The following DNAH1 variants were observed in gnomAD, a reference collection of about 807,000 sequenced individuals.
DNAH1 encodes the protein axonemal beta dynein heavy chain 1.
Under a neutral mutation model 484.3 loss-of-function variants are expected in DNAH1, and 327 were observed. The ratio of observed to expected loss-of-function variants is 0.68; its 90% confidence interval spans 0.62 to 0.74. The LOEUF (loss-of-function observed/expected upper bound fraction) is 0.74. DNAH1 is among the 30% of genes least tolerant of loss of function. DNAH1 has a pLI of 0.00. For synonymous variants in DNAH1, 2,192 were observed against 2,191.9 expected (o/e 1.00, Z 0.00); for missense variants, 5,052 against 5,546.8 (o/e 0.91, Z 2.83).
In DNAH1 at chr3:52,355,194, G is replaced by T; in HGVS notation, c.3693+139G>T. On this transcript the variant is annotated intron_variant, in intron 21 of 77. Coordinates refer to ENST00000420323, the MANE Select transcript of DNAH1 (RefSeq NM_015512.5). The surrounding 1 kb of genome is among the most constrained non-coding windows in gnomAD (Gnocchi z 4.5). Reference sequence around the variant, plus strand: ...CATTCACACAGCCCCTGGCTCTCTGGCAGGCCCCGCCCTACTGCATTCAGA... The same window carrying T: ...CATTCACACAGCCCCTGGCTCTCTGTCAGGCCCCGCCCTACTGCATTCAGA... 1.2e-6 allele frequency: 1 copy of T among 832,692 alleles called. No homozygotes were observed. The highest frequency in any genetic ancestry group is 1.6e-5 in the South Asian group (1 of 61,636). The allele number at this position is 832,692 out of a possible 1,614,324, so 51.6% of individuals were successfully genotyped here.
rs1702490243 is a variant in DNAH1 at position 52,353,631 on chromosome 3, C to G, written c.3478C>G (p.Gln1160Glu). The change falls in exon 20 of 78, where the codon CAG becomes GAG. Residue 1160 changes from glutamine (Q) to glutamate (E), a missense_variant and splice_region_variant. Coordinates refer to ENST00000420323, the MANE Select transcript of DNAH1 (RefSeq NM_015512.5). The surrounding 1 kb of genome is among the most constrained non-coding windows in gnomAD (Gnocchi z 5.0). ...GGCTGGCAAGGAGTACGCCATCGAG[C>G]AGGTGGGTAGCCACCAGCGGGCCCA... is the stretch of plus-strand genomic sequence containing the variant. ...EVAGKEYAIEQALDKMEKEWS... is the reference protein window; with the variant it reads ...EVAGKEYAIEEALDKMEKEWS... The G allele has an allele frequency of 6.3e-7, 1 of 1,579,602 alleles. No individual in the cohort carries two copies. The highest frequency in any genetic ancestry group is 1.4e-5 in the African/African-American group (1 of 73,916).
At chr3:52,320,276 G>A (rs1559483031) in intron 1 of DNAH1, among the ~76,000 whole-genome samples, 1 of 152,248 alleles carries the variant, frequency 6.6e-6, no homozygotes, top group Non-Finnish European at 1.5e-5. Flanking sequence ...CTGTTAGACA[G>A]GTGGGCCAGA....
At position 52,354,835 on chromosome 3, in the gene DNAH1, G is replaced by C. The variant is rs1369891681; in HGVS notation, c.3481-8G>C. On this transcript the variant is annotated splice_polypyrimidine_tract_variant and splice_region_variant and intron_variant, in intron 20 of 77. Transcript: ENST00000420323. ...CCAGGACTCAGCCTGGCTTGTCCCC[G>C]ACCCCAGGCACTGGACAAGATGGAG... 3 of 1,612,710 alleles carry C rather than the reference G, an allele frequency of 1.9e-6. No homozygotes were observed. The highest frequency in any genetic ancestry group is 2.7e-5 in the African/African-American group (2 of 74,976).
In DNAH1 at chr3:52,345,666, T is replaced by C. The variant is rs1443568500; in HGVS notation, c.1616T>C (p.Leu539Pro). The change falls in exon 10 of 78, where the codon CTG (leucine) becomes CCG (proline). Residue 539 changes from leucine (L) to proline (P), a missense_variant. By Grantham distance (98) the Leu-to-Pro change is moderately conservative. Around this residue, in one of 4 missense-constraint regions of DNAH1, gnomAD observed 1,263 missense variants for 1,218.8 expected, o/e 1.04. Coordinates refer to ENST00000420323, the MANE Select transcript of DNAH1 (RefSeq NM_015512.5). ...FHSSLSKYSH[L>P]EEFEQIQSQT... ...TCGAGCCTCTCCAAGTACAGCCACC[T>C]GGAGGAATTTGAGCAGATCCAGTCA... The C allele has an allele frequency of 1.3e-5, 21 of 1,613,168 alleles. No individual in the cohort carries two copies. Among genetic ancestry groups the C allele is most frequent in the Non-Finnish European group, 1.7e-5 (20 of 1,179,586 alleles).
Position 52,383,609 on chromosome 3 carries a change from C to A in DNAH1, c.8150+15C>A. 1 of 1,547,806 alleles carries A rather than the reference C, an allele frequency of 6.5e-7. No individual in the cohort carries two copies. Among genetic ancestry groups the A allele is most frequent in the South Asian group, 1.2e-5 (1 of 84,408 alleles). On this transcript the variant is annotated intron_variant, in intron 51 of 77. Transcript: ENST00000420323. Reference sequence around the variant, plus strand: ...CTGTGCATGAGGTACAGGCAGCTGTCGCCAGGCTGCGCTGGGGCAGCGGAG... The same window carrying A: ...CTGTGCATGAGGTACAGGCAGCTGTAGCCAGGCTGCGCTGGGGCAGCGGAG...
In DNAH1 at chr3:52,378,614, A is replaced by T. The variant is rs755472021; in HGVS notation, c.7211A>T (p.His2404Leu). 6.2e-7 allele frequency: 1 copy of T among 1,613,382 alleles called. No homozygotes were observed. The highest frequency in any genetic ancestry group is 1.7e-5 in the Admixed American group (1 of 59,980). ...CCTATTCCCCCAGCTGGGGCCCCCC[A>T]CATTGCCCACTTCACGGAGCCCCTT... is the stretch of plus-strand genomic sequence containing the variant. The part of the protein sequence containing the change: ...SYRERVPGAP[H>L]IAHFTEPLVE... The change falls in exon 47 of 78, where the codon CAC becomes CTC. Residue 2404 changes from histidine to leucine, a missense_variant. His to Leu is a moderately conservative substitution (Grantham distance 99). This residue lies in a region of DNAH1 where 2,929 missense variants were observed against 3,409.4 expected (regional missense o/e 0.86). Coordinates refer to ENST00000420323, the MANE Select transcript of DNAH1 (RefSeq NM_015512.5).
At chr3:52,386,485 C>T (rs1704116039) in intron 55 of DNAH1, 140 bp downstream of exon 55, 4 of 1,343,564 alleles carry the variant, frequency 3.0e-6, no homozygotes, top group South Asian at 1.5e-5. Flanking sequence ...AGCATGGGCA[C>T]CTGGGTTGGG....
rs1703158158 is a variant in DNAH1 at position 52,368,024 on chromosome 3, GTGAGCATC to G, written c.5766-716_5766-709del. 6.6e-6 allele frequency among the ~76,000 whole-genome samples: 1 copy of G among 152,224 alleles called. No homozygotes were observed. Among genetic ancestry groups the G allele is most frequent in the Non-Finnish European group, 1.5e-5 (1 of 68,046 alleles). On this transcript the variant is annotated intron_variant, in intron 36 of 77. Coordinates refer to ENST00000420323, the MANE Select transcript of DNAH1 (RefSeq NM_015512.5). The surrounding 1 kb of genome is among the most constrained non-coding windows in gnomAD (Gnocchi z 4.4). ...TGGGAATCTATAGCCAAGGGGCAGG[GTGAGCATC>G]AGTGGGTGGAAAATCCAGAGGAAAC...
chr3:52,366,411 C>A, intron 34 of DNAH1, 46 bp from the exon 35 acceptor site: 1 of 1,518,176 alleles, frequency 6.6e-7, no homozygotes, highest in Non-Finnish European at 9.0e-7. Flanking sequence ...GTGGCCAGGA[C>A]CCAAGCCCAT....
At chr3:52,338,148 A>G (rs1043295450) in intron 8 of DNAH1, among the ~76,000 whole-genome samples, 3 of 151,474 alleles carry the variant, frequency 2.0e-5, no homozygotes, top group Non-Finnish European at 4.4e-5. Context: ...TTGTTTTGTC[A>G]CCCAGGCTGG....
Position 52,383,383 on chromosome 3 carries a change from C to T in DNAH1, c.7942-3C>T, listed in dbSNP as rs1386745797. The T allele has an allele frequency of 3.7e-6, 6 of 1,613,310 alleles. No individual in the cohort carries two copies. The highest frequency in any genetic ancestry group is 5.1e-6 in the Non-Finnish European group (6 of 1,179,610). On this transcript the variant is annotated splice_polypyrimidine_tract_variant and splice_region_variant and intron_variant, in intron 50 of 77. Coordinates refer to ENST00000420323, the MANE Select transcript of DNAH1 (RefSeq NM_015512.5). ...AGCTCCCCACTCCTTCACCCCTCCC[C>T]AGATCAAGAACGAATCCTTCCTGGA...
rs983579470 is a variant in DNAH1, at chr3:52,374,271, C to G, written c.6986-969C>G. On this transcript the variant is annotated intron_variant, in intron 44 of 77. Transcript: ENST00000420323. ...AGTATAATTAATGGATTTGCCTTACCACTAAAAGAAGAACACAAGATTTTC... is the reference window on the plus strand; with the variant it reads ...AGTATAATTAATGGATTTGCCTTACGACTAAAAGAAGAACACAAGATTTTC... 1.3e-5 allele frequency: 19 copies of G among 1,519,378 alleles called. No individual in the cohort carries two copies. The African/African-American group carries it at 1.9e-4, about 15-fold the overall frequency. 94.1% of individuals were successfully genotyped at this position (1,519,378 alleles called of 1,614,324 possible). A position where few individuals can be genotyped will look rare whatever the true frequency, so the allele number is the denominator to read the frequency against.
At position 52,396,339 on chromosome 3, in the gene DNAH1, C is replaced by T. The variant is rs201920263; in HGVS notation, c.11260-29C>T. On this transcript the variant is annotated intron_variant, in intron 70 of 77. Coordinates refer to ENST00000420323, the MANE Select transcript of DNAH1 (RefSeq NM_015512.5). ...CAGGGTGGCCACCAGATATGGGTCT[C>T]AATGCTCACGTGGAGCCATGGCCAC... The T allele has an allele frequency of 7.8e-5, 121 of 1,552,460 alleles. 1 individual carries two copies. Among genetic ancestry groups the T allele is most frequent in the Admixed American group, 3.9e-5 (2 of 51,496 alleles).
chr3:52,392,396 C>T, intron 63 of DNAH1, 68 bp from the exon 64 acceptor site: 1 of 1,443,912 alleles, frequency 6.9e-7, no homozygotes, highest in South Asian at 1.2e-5. Flanking sequence ...GGATGGGTGA[C>T]CAGGTTCACG....
intron 6 of DNAH1, among the ~76,000 whole-genome samples, chr3:52,330,009 C>T (rs1273584077): frequency 2.6e-5 from 4 of 152,106 alleles, no homozygotes; most frequent in African/African-American, 9.7e-5. Context: ...GGGATTTTAC[C>T]ATGTTGCCCA....
chr3:52,350,535 T>C lies in DNAH1; in HGVS notation c.2674T>C (p.Tyr892His). 1 of 1,613,944 alleles carries C rather than the reference T, an allele frequency of 6.2e-7. No homozygotes were observed. Among genetic ancestry groups the C allele is most frequent in the Non-Finnish European group, 8.5e-7 (1 of 1,179,854 alleles). ...EERIVKVMDD[Y>H]QVMDEFLYNL... ...GCGGATTGTGAAGGTCATGGATGAC[T>C]ACCAGGTCATGGATGAATTCCTCTA... The change falls in exon 16 of 78, where the codon TAC becomes CAC. Residue 892 changes from tyrosine to histidine, a missense_variant. Physicochemically the swap from Tyr to His is moderately conservative, Grantham distance 83 (BLOSUM62 2). This residue lies in a region of DNAH1 where 1,263 missense variants were observed against 1,218.8 expected (regional missense o/e 1.04). Coordinates refer to ENST00000420323, the MANE Select transcript of DNAH1 (RefSeq NM_015512.5).
At chr3:52,317,536 T>C (rs963491696) in intron 1 of DNAH1, among the ~76,000 whole-genome samples, 4 of 152,236 alleles carry the variant, frequency 2.6e-5, no homozygotes, top group Admixed American at 2.6e-4. Context: ...CCCCAAATTA[T>C]TTACATATGT....
chr3:52,369,926 C>T lies in DNAH1; in HGVS notation c.6045C>T (p.Leu2015=). ...ACCTGGAGCCCAGCATCCTGGGGCT[C>T]ATGCCCTTCATCGAGTGCTGGCTGA... The part of the protein sequence containing the change: ...MVYLEPSILG[L]MPFIECWLRK... Residue 2015 remains leucine, a synonymous_variant, in exon 38 of 78, where the codon CTC becomes CTT. Coordinates refer to ENST00000420323, the MANE Select transcript of DNAH1 (RefSeq NM_015512.5). 3 of 1,613,992 alleles carry T rather than the reference C, an allele frequency of 1.9e-6. No individual in the cohort carries two copies. The highest frequency in any genetic ancestry group is 2.5e-6 in the Non-Finnish European group (3 of 1,179,884).
At chr3:52,387,072 T>C (rs933166665) in intron 56 of DNAH1, among the ~76,000 whole-genome samples, 1 of 152,162 alleles carries the variant, frequency 6.6e-6, no homozygotes, top group Non-Finnish European at 1.5e-5. Context: ...GGGTTCTCAG[T>C]CTGGTAGGGT....
Sources: allele counts gnomAD v4.1 joint callset (sites outside exome capture counted in the v4.1 genomes callset), GRCh38; gene constraint gnomAD v4.1.1; regional missense constraint gnomAD v4.1.1; non-coding constraint Gnocchi (gnomAD v3.1); transcripts MANE v1.5; gene names NCBI Gene and HGNC (gene_info 2026-07-23, HGNC 2026-07-21).